ITPR2: variants seen among roughly 807,000 people sequenced by gnomAD.
The protein encoded by ITPR2 is inositol 1,4,5-trisphosphate-gated calcium channel ITPR2.
ITPR2 carries 207 observed loss-of-function variants against 317.1 expected under a neutral mutation model. That is an observed-to-expected ratio of 0.65 (90% confidence interval 0.58 to 0.73). The LOEUF (loss-of-function observed/expected upper bound fraction) is 0.73, where lower values mean the gene tolerates loss of function less well. Ranked by LOEUF, ITPR2 falls within the 30% of genes least tolerant of loss-of-function variation. The pLI is 0.00. For synonymous variants in ITPR2, 1,156 were observed against 1,149.1 expected, an observed-to-expected ratio of 1.01 and a Z score of -0.12; for missense variants, 2,613 against 3,284.0, an observed-to-expected ratio of 0.80 and a Z score of 4.99.
intron 26 of ITPR2, among the ~76,000 whole-genome samples, chr12:26,614,718 T>C (rs1191207613): frequency 1.3e-5 from 2 of 152,324 alleles, no homozygotes; most frequent in East Asian, 3.9e-4. Context: ...CTACATGTTA[T>C]ATAATTCCAA....
intron 37 of ITPR2, among the ~76,000 whole-genome samples, chr12:26,504,432 A>G (rs1943141049): frequency 2.0e-5 from 3 of 152,202 alleles, no homozygotes; most frequent in Admixed American, 2.0e-4. Flanking sequence ...AATCTTGTAG[A>G]AAAGCTGACA....
At chr12:26,567,984 A>ATATATATATTATATATAT (rs1945036842) in intron 34 of ITPR2, among the ~76,000 whole-genome samples, 3 of 10,802 alleles carry the variant, frequency 2.8e-4, no homozygotes, top group African/African-American at 7.3e-4. Context: ...TATATTATAT[A>ATATATATATTATATATAT]TATATATATA....
intron 54 of ITPR2, among the ~76,000 whole-genome samples, chr12:26,395,705 G>C (rs1939976538): frequency 6.6e-6 from 1 of 152,176 alleles, no homozygotes; most frequent in Non-Finnish European, 1.5e-5. Flanking sequence ...CTAAACAACA[G>C]CTTGGCCCCA....
At chr12:26,671,470 A>C (rs1468950927) in intron 13 of ITPR2, among the ~76,000 whole-genome samples, 1 of 152,178 alleles carries the variant, frequency 6.6e-6, no homozygotes, top group African/African-American at 2.4e-5. Flanking sequence ...GTGAAGGAGA[A>C]ATAAAATACT....
chr12:26,588,831 T>C (rs543550415), intron 32 of ITPR2, among the ~76,000 whole-genome samples: 1 of 152,350 alleles, frequency 6.6e-6, no homozygotes, highest in East Asian at 1.9e-4. Flanking sequence ...CCTCCTAAAT[T>C]ATTTCTTGGT....
At chr12:26,605,656 T>C (rs1251442225) in intron 26 of ITPR2, among the ~76,000 whole-genome samples, 5 of 152,166 alleles carry the variant, frequency 3.3e-5, no homozygotes, top group Admixed American at 3.3e-4. Flanking sequence ...TTAGGTAAAA[T>C]GTACTACATT....
intron 37 of ITPR2, among the ~76,000 whole-genome samples, chr12:26,522,626 T>C (rs1369321260): frequency 6.6e-6 from 1 of 152,164 alleles, no homozygotes; most frequent in Non-Finnish European, 1.5e-5. Flanking sequence ...CTGCAGATAG[T>C]TATGGAAATT....
intron 37 of ITPR2, among the ~76,000 whole-genome samples, chr12:26,523,156 T>C (rs1943711080): frequency 6.6e-6 from 1 of 152,234 alleles, no homozygotes. Context: ...ATAATAATCC[T>C]CAACTTCTTT....
chr12:26,765,128 A>G (rs138680874), intron 2 of ITPR2, among the ~76,000 whole-genome samples: 130 of 152,142 alleles, frequency 8.5e-4, no homozygotes, highest in Non-Finnish European at 1.4e-3. Flanking sequence ...AACAATACCC[A>G]CAGAATTTTG....
At chr12:26,825,468 G>T (rs757651144) in intron 1 of ITPR2, among the ~76,000 whole-genome samples, 1 of 151,970 alleles carries the variant, frequency 6.6e-6, no homozygotes, top group Admixed American at 6.6e-5. Flanking sequence ...ATAGTATTCT[G>T]TCTATATTCT....
At chr12:26,705,182 T>C (rs1020388890) in intron 9 of ITPR2, among the ~76,000 whole-genome samples, 6 of 152,112 alleles carry the variant, frequency 3.9e-5, no homozygotes, top group African/African-American at 1.2e-4. Flanking sequence ...TTCACAGCAG[T>C]GCTATGAAAA....
chr12:26,354,954 G>A (rs941979560), intron 55 of ITPR2, among the ~76,000 whole-genome samples: 4 of 152,078 alleles, frequency 2.6e-5, no homozygotes, highest in East Asian at 1.9e-4. Flanking sequence ...GTGAGCCACC[G>A]TACCTGGCAA....
At position 26,337,719 on chromosome 12, in the gene ITPR2, C is replaced by T. The variant is rs925264692; in HGVS notation, c.*1678G>A. On this transcript the variant is annotated 3_prime_UTR_variant, in exon 57 of 57. Coordinates refer to ENST00000381340, the MANE Select transcript of ITPR2 (RefSeq NM_002223.4). The stretch of plus-strand genomic sequence containing the variant: ...TCATGAATGTCAGGGTCTTTCAGCT[C>T]CTGGTCAGAAAAAATACTGTCATGT... 1 of 152,094 alleles carries T rather than the reference C, an allele frequency of 6.6e-6. No homozygotes were observed. The highest frequency in any genetic ancestry group is 2.4e-5 in the African/African-American group (1 of 41,414). The allele number at this position is 152,094 out of a possible 1,614,324, so 9.4% of individuals were successfully genotyped here. A position where few individuals can be genotyped will look rare whatever the true frequency, so the allele number is the denominator to read the frequency against.
At chr12:26,684,552 T>C (rs1339466293) in intron 11 of ITPR2, among the ~76,000 whole-genome samples, 1 of 152,204 alleles carries the variant, frequency 6.6e-6, no homozygotes, top group African/African-American at 2.4e-5. Context: ...TCAAGAGTTA[T>C]ATTATAATAG....
rs762358283 is a variant in ITPR2, at chr12:26,439,157, T to C, written c.6613A>G (p.Asn2205Asp). 6.4e-5 allele frequency: 103 copies of C among 1,610,136 alleles called. No individual in the cohort carries two copies. The Admixed American group carries it at 1.7e-3, about 26-fold the overall frequency. The change falls in exon 47 of 57, where the codon AAT becomes GAT. Residue 2205 changes from asparagine to aspartate, a missense_variant. Around this residue, in one of 9 missense-constraint regions of ITPR2, gnomAD observed 926 missense variants for 1,072.8 expected, o/e 0.86. Coordinates refer to ENST00000381340, the MANE Select transcript of ITPR2 (RefSeq NM_002223.4). ...ATTTTCTTCTGCCACTTCATTTCAT[T>C]GTAGAGATCTTCTGTTTGCTGGAAA... Reference protein sequence around the residue: ...DFFQQTEDLYNEMKWQKKIRN... With the variant: ...DFFQQTEDLYDEMKWQKKIRN...
intron 37 of ITPR2, among the ~76,000 whole-genome samples, chr12:26,498,869 T>C (rs925249078): frequency 3.3e-5 from 5 of 152,096 alleles, no homozygotes; most frequent in Non-Finnish European, 7.4e-5. Context: ...TAGGGTCTTG[T>C]TGTGTTGCCC....
At chr12:26,440,931 C>T (rs1451017621) in intron 46 of ITPR2, among the ~76,000 whole-genome samples, 1 of 151,976 alleles carries the variant, frequency 6.6e-6, no homozygotes, top group Non-Finnish European at 1.5e-5. Flanking sequence ...CGCAAAAAGC[C>T]AGAGATGGAT....
chr12:26,522,849 G>C (rs920374408), intron 37 of ITPR2, among the ~76,000 whole-genome samples: 3 of 152,162 alleles, frequency 2.0e-5, no homozygotes, highest in African/African-American at 4.8e-5. Flanking sequence ...GGCGGGGGGG[G>C]AACCCCACAA....
chr12:26,507,983 T>C lies in ITPR2; in HGVS notation c.5074-12723A>G, dbSNP rs577878247. 1.1e-4 allele frequency among the ~76,000 whole-genome samples: 16 copies of C among 152,204 alleles called. No homozygotes were observed. The South Asian group carries it at 2.3e-3, about 22-fold the overall frequency. ...ATATTTGTAAAATGAATTAGGTCTT[T>C]GAAGTATGAAGATTCTTGCTATCTC... On this transcript the variant is annotated intron_variant, in intron 37 of 56. Transcript: ENST00000381340.
Sources: allele counts gnomAD v4.1 joint callset (sites outside exome capture counted in the v4.1 genomes callset), GRCh38; gene constraint gnomAD v4.1.1; regional missense constraint gnomAD v4.1.1; transcripts MANE v1.5; gene names NCBI Gene and HGNC (gene_info 2026-07-23, HGNC 2026-07-21).